The following SPATS2 variants were observed in gnomAD, a reference collection of about 807,000 sequenced individuals.
SPATS2 encodes the protein spermatogenesis associated serine rich 2, also known as spermatogenesis-associated serine-rich protein 2.
Under a neutral mutation model 63.7 loss-of-function variants are expected in SPATS2, and 38 were observed. That is an observed-to-expected ratio of 0.60 (90% CI 0.46 to 0.78). SPATS2 has a LOEUF of 0.78. Ranked by LOEUF, SPATS2 falls within the 30% of genes least tolerant of loss-of-function variation. The probability of loss-of-function intolerance (pLI) is 0.00; values close to 1 mark genes in which losing one functional copy is unlikely to be tolerated. For synonymous variants in SPATS2, 207 were observed against 232.9 expected (o/e 0.89, Z 1.01); for missense variants, 588 against 666.2 (o/e 0.88, Z 1.29).
intron 4 of SPATS2, among the ~76,000 whole-genome samples, chr12:49,487,215 G>A (rs911222879): frequency 3.9e-5 from 6 of 152,140 alleles, no homozygotes; most frequent in South Asian, 2.1e-4. Flanking sequence ...GGCCAGGCGC[G>A]ATGGCTCATG....
At chr12:49,368,591 GGA>G (rs1943944495) in intron 1 of SPATS2, among the ~76,000 whole-genome samples, 1 of 152,174 alleles carries the variant, frequency 6.6e-6, no homozygotes, top group African/African-American at 2.4e-5. Context: ...TGTGTTTGTG[GGA>G]GAGAGTTGGG....
intron 6 of SPATS2, among the ~76,000 whole-genome samples, chr12:49,494,390 G>A (rs1946431650): frequency 6.6e-6 from 1 of 151,594 alleles, no homozygotes; most frequent in Non-Finnish European, 1.5e-5. Flanking sequence ...TTTTTCTATG[G>A]GATTATTTTG....
At position 49,489,536 on chromosome 12, in the gene SPATS2, TAACTGTGTGGAC is replaced by T; in HGVS notation, c.180_191del (p.Asn60_Asp63del). The T allele has an allele frequency of 6.2e-7, 1 of 1,613,944 alleles. No homozygotes were observed. Among genetic ancestry groups the T allele is most frequent in the Non-Finnish European group, 8.5e-7 (1 of 1,179,900 alleles). ...TTATCCTGGTTTTGCAGCACTTTGATAACTGTGTGGACAAAACAGTACAAGCATTCATGGAAG... is the reference window on the plus strand; with the variant it reads ...TTATCCTGGTTTTGCAGCACTTTGATAAAACAGTACAAGCATTCATGGAAG... On this transcript the variant is annotated inframe_deletion, in exon 5 of 14. Coordinates refer to ENST00000552918, the MANE Select transcript of SPATS2 (RefSeq NM_023071.4).
At chr12:49,456,256 A>T (rs932422194) in intron 2 of SPATS2, among the ~76,000 whole-genome samples, 1 of 152,230 alleles carries the variant, frequency 6.6e-6, no homozygotes, top group Non-Finnish European at 1.5e-5. Context: ...TCTTGTGAAT[A>T]ACCACAGAGA....
intron 2 of SPATS2, among the ~76,000 whole-genome samples, chr12:49,418,688 A>C (rs937783634): frequency 6.6e-6 from 1 of 152,164 alleles, no homozygotes; most frequent in South Asian, 2.1e-4. Flanking sequence ...TGATCCATCT[A>C]CCTCAGCCTC....
intron 3 of SPATS2, among the ~76,000 whole-genome samples, chr12:49,481,051 CA>C (rs1345801125): frequency 3.9e-5 from 6 of 152,072 alleles, no homozygotes; most frequent in South Asian, 4.1e-4. Flanking sequence ...TTGAAGCCAG[CA>C]AAAACAATAA....
At chr12:49,446,168 T>G (rs965819558) in intron 2 of SPATS2, among the ~76,000 whole-genome samples, 1 of 152,166 alleles carries the variant, frequency 6.6e-6, no homozygotes, top group African/African-American at 2.4e-5. Flanking sequence ...CCTCCCAAAG[T>G]GCTGGGATTG....
chr12:49,514,958 G>A (rs1946813977), intron 10 of SPATS2, among the ~76,000 whole-genome samples: 1 of 152,122 alleles, frequency 6.6e-6, no homozygotes, highest in African/African-American at 2.4e-5. Flanking sequence ...AAAACCTTTA[G>A]CATAATCAGA....
At chr12:49,397,103 C>A in intron 2 of SPATS2, among the ~76,000 whole-genome samples, 1 of 152,302 alleles carries the variant, frequency 6.6e-6, no homozygotes, top group East Asian at 1.9e-4. Flanking sequence ...GCTATTCCCT[C>A]TGTCTGGAAT....
In SPATS2 at chr12:49,460,524, A is replaced by T. The variant is rs536446811; in HGVS notation, c.-243-246A>T. 1.7e-4 allele frequency among the ~76,000 whole-genome samples: 26 copies of T among 152,298 alleles called. No individual in the cohort carries two copies. In the South Asian group the frequency reaches 5.4e-3, roughly 32 times the overall value. ...TTTAGTTTGCAAAGCAGAGATGGGG[A>T]TATTTCAGATGGATACAAAAAATAA... On this transcript the variant is annotated intron_variant, in intron 2 of 13. Coordinates refer to ENST00000552918, the MANE Select transcript of SPATS2 (RefSeq NM_023071.4).
chr12:49,407,176 ACTCAGATTCAAACTG>A (rs1944712016), intron 2 of SPATS2, among the ~76,000 whole-genome samples: 1 of 152,002 alleles, frequency 6.6e-6, no homozygotes, highest in Non-Finnish European at 1.5e-5. Flanking sequence ...TACTGCTACC[ACTCAGATTCAAACTG>A]CTGTCCTCTC....
chr12:49,496,968 T>A lies in SPATS2; in HGVS notation c.662T>A (p.Met221Lys). The A allele has an allele frequency of 6.2e-7, 1 of 1,600,108 alleles. No individual in the cohort carries two copies. Among genetic ancestry groups the A allele is most frequent in the Admixed American group, 1.7e-5 (1 of 58,012 alleles). The change falls in exon 8 of 14, where the codon ATG (methionine) becomes AAG (lysine). Residue 221 changes from methionine to lysine, a missense_variant. Met to Lys is a moderately conservative substitution (Grantham distance 95). Transcript: ENST00000552918. ...RPTTETQFSNMGMEDVPLATS... is the reference protein window; with the variant it reads ...RPTTETQFSNKGMEDVPLATS... Reference sequence around the variant, plus strand: ...ACCACAGAAACTCAGTTTTCAAATATGGGGATGGAAGATGTTCCCCTCGCC... The same window carrying A: ...ACCACAGAAACTCAGTTTTCAAATAAGGGGATGGAAGATGTTCCCCTCGCC...
intron 5 of SPATS2, chr12:49,490,099 A>G (rs2137876139): frequency 6.5e-6 from 1 of 153,258 alleles, no homozygotes; most frequent in Non-Finnish European, 1.5e-5. Context: ...CCTTCCTTCC[A>G]TGTAACCTGT....
At chr12:49,452,037 C>A (rs1173192462) in intron 2 of SPATS2, among the ~76,000 whole-genome samples, 15 of 152,034 alleles carry the variant, frequency 9.9e-5, no homozygotes, top group Admixed American at 8.5e-4. Context: ...CTTTCAAGAT[C>A]TTCTGGTTTT....
intron 2 of SPATS2, among the ~76,000 whole-genome samples, chr12:49,440,532 G>A (rs545286240): frequency 6.7e-6 from 1 of 150,330 alleles, no homozygotes; most frequent in African/African-American, 2.5e-5. Flanking sequence ...GCAGTGGTGC[G>A]ATCTTGGCTC....
chr12:49,393,423 T>C (rs71464963), intron 2 of SPATS2, among the ~76,000 whole-genome samples: 8 of 152,106 alleles, frequency 5.3e-5, no homozygotes, highest in Non-Finnish European at 8.8e-5. Flanking sequence ...TATTATTCTG[T>C]ATTTATTAGG....
At chr12:49,460,300 A>G (rs998009885) in intron 2 of SPATS2, among the ~76,000 whole-genome samples, 33 of 151,692 alleles carry the variant, frequency 2.2e-4, no homozygotes, top group African/African-American at 8.0e-4. Flanking sequence ...CTAAAAATAC[A>G]AAAATTAGCT....
rs527834255 is a variant in SPATS2 at position 49,453,117 on chromosome 12, C to T, written c.-243-7653C>T. Reference sequence around the variant, plus strand: ...GAGCTTGCAGTGAGCCAAGATTGCGCCACTGCACTCCCACCTGGGCTGCAC... The same window carrying T: ...GAGCTTGCAGTGAGCCAAGATTGCGTCACTGCACTCCCACCTGGGCTGCAC... On this transcript the variant is annotated intron_variant, in intron 2 of 13. Coordinates refer to ENST00000552918, the MANE Select transcript of SPATS2 (RefSeq NM_023071.4). 2.6e-5 allele frequency among the ~76,000 whole-genome samples: 4 copies of T among 151,166 alleles called. No homozygotes were observed. The East Asian group carries it at 7.7e-4, about 29-fold the overall frequency.
chr12:49,509,038 T>C (rs1407667090), intron 9 of SPATS2, among the ~76,000 whole-genome samples: 3 of 151,852 alleles, frequency 2.0e-5, no homozygotes, highest in Non-Finnish European at 2.9e-5. Context: ...CACTCTGGCC[T>C]GGGCAACAGA....
Sources: allele counts gnomAD v4.1 joint callset (sites outside exome capture counted in the v4.1 genomes callset), GRCh38; gene constraint gnomAD v4.1.1; transcripts MANE v1.5; gene names NCBI Gene and HGNC (gene_info 2026-07-23, HGNC 2026-07-21).